The following MTMR12 variants were observed in gnomAD, a reference collection of about 807,000 sequenced individuals.
MTMR12 encodes the protein myotubularin related protein 12, also known as myotubularin-related protein 12.
A neutral mutation model predicts 96.7 loss-of-function variants in MTMR12; 33 were observed. The observed-to-expected ratio is 0.34, with a 90% confidence interval of 0.26 to 0.46. The LOEUF (loss-of-function observed/expected upper bound fraction) is 0.46. MTMR12 is among the 20% of genes least tolerant of loss of function. MTMR12 has a pLI of 1.00. For synonymous variants in MTMR12, 298 were observed against 327.2 expected (o/e 0.91, Z 0.96); for missense variants, 721 against 896.1 (o/e 0.80, Z 2.49).
At chr5:32,238,143 C>CAA (rs746835069) in intron 13 of MTMR12, among the ~76,000 whole-genome samples, 12,333 of 58,354 alleles carry the variant, frequency 0.21, 1,491 homozygotes, top group East Asian at 0.37. Context: ...GACTCCGTCT[C>CAA]AAAAAAAAAA....
intron 15 of MTMR12, among the ~76,000 whole-genome samples, chr5:32,231,086 G>T (rs1447327789): frequency 6.6e-6 from 1 of 152,094 alleles, no homozygotes; most frequent in African/African-American, 2.4e-5. Context: ...ATATTTGGGG[G>T]TGCACTGAGA....
In MTMR12 at chr5:32,270,898, AG is replaced by A; in HGVS notation, c.407del (p.Pro136LeufsTer18). 6.2e-7 allele frequency: 1 copy of A among 1,614,108 alleles called. No homozygotes were observed. The highest frequency in any genetic ancestry group is 8.5e-7 in the Non-Finnish European group (1 of 1,179,958). On this transcript the variant is annotated frameshift_variant, in exon 5 of 16. Transcript: ENST00000382142. LOFTEE classifies it high-confidence loss of function. ...CTTTGCAGTGGATGATGAGCTTCTCAGGGTATTTCTTCAGTTGTCCAAAGAG... is the reference window on the plus strand; with the variant it reads ...CTTTGCAGTGGATGATGAGCTTCTCAGGTATTTCTTCAGTTGTCCAAAGAG... ...KTLFGQLKKY[P>X]EKLIIHCKDL...
chr5:32,230,379 G>C, intron 15 of MTMR12, 32 bp from the exon 16 acceptor site: 1 of 1,554,224 alleles, frequency 6.4e-7, no homozygotes, highest in South Asian at 1.2e-5. Context: ...AAAATCACTG[G>C]TTAACATAAC....
At chr5:32,243,684 C>A in intron 10 of MTMR12, 85 bp from the exon 11 acceptor site, 1 of 815,858 alleles carries the variant, frequency 1.2e-6, no homozygotes, top group South Asian at 1.5e-5. Flanking sequence ...TCAACTGTGT[C>A]ATTCAGATTA....
intron 11 of MTMR12, 124 bp from the exon 12 acceptor site, chr5:32,242,251 G>A (rs1329789670): frequency 1.7e-5 from 9 of 526,938 alleles, no homozygotes; most frequent in East Asian, 3.1e-5. Context: ...TTTTTTCCAC[G>A]CTAAAATCCT....
At chr5:32,293,505 T>C (rs564044190) in intron 1 of MTMR12, among the ~76,000 whole-genome samples, 1 of 152,352 alleles carries the variant, frequency 6.6e-6, no homozygotes, top group African/African-American at 2.4e-5. Flanking sequence ...GCAGACAGCC[T>C]GTTGTGGGAC....
intron 1 of MTMR12, among the ~76,000 whole-genome samples, chr5:32,305,623 G>C (rs1050913785): frequency 2.0e-5 from 3 of 151,836 alleles, no homozygotes; most frequent in Non-Finnish European, 4.4e-5. Context: ...GGATACCGCG[G>C]CCGGGCGCGA....
At position 32,228,989 on chromosome 5, in the gene MTMR12, G is replaced by C. The variant is rs1442662626; in HGVS notation, c.*789C>G. On this transcript the variant is annotated 3_prime_UTR_variant, in exon 16 of 16. Coordinates refer to ENST00000382142, the MANE Select transcript of MTMR12 (RefSeq NM_001040446.3). ...AGGAAGGATCTCAGGCAAAGAAACA[G>C]ATCCCCGCAGCGTAACCAAGAGGTT... The C allele has an allele frequency of 6.6e-6, 1 of 152,206 alleles. No homozygotes were observed. The highest frequency in any genetic ancestry group is 1.5e-5 in the Non-Finnish European group (1 of 68,078). The allele number at this position is 152,206 out of a possible 1,614,324, so 9.4% of individuals were successfully genotyped here. A position where few individuals can be genotyped will look rare whatever the true frequency, so the allele number is the denominator to read the frequency against.
At chr5:32,293,600 T>C (rs1340146540) in intron 1 of MTMR12, among the ~76,000 whole-genome samples, 1 of 152,180 alleles carries the variant, frequency 6.6e-6, no homozygotes, top group East Asian at 1.9e-4. Flanking sequence ...CTCTAGGGAA[T>C]CCTAATACAG....
At position 32,239,176 on chromosome 5, in the gene MTMR12, A is replaced by G. The variant is rs748468556; in HGVS notation, c.1172-3T>C. On this transcript the variant is annotated splice_region_variant and splice_polypyrimidine_tract_variant and intron_variant, in intron 12 of 15. Transcript: ENST00000382142. ...GCAGAGGTCGGATGCATTCTCCTCT[A>G]GGAGAGGCCCCAGCAGCAGTGCAAA... The G allele has an allele frequency of 6.3e-7, 1 of 1,577,296 alleles. No homozygotes were observed. The highest frequency in any genetic ancestry group is 8.6e-7 in the Non-Finnish European group (1 of 1,158,056).
chr5:32,236,861 A>C (rs1748256687), intron 13 of MTMR12, among the ~76,000 whole-genome samples: 1 of 152,026 alleles, frequency 6.6e-6, no homozygotes, highest in South Asian at 2.1e-4. Context: ...AGAAAAGAAA[A>C]GAAAAGAAAA....
chr5:32,302,707 G>C (rs1188308283), intron 1 of MTMR12, among the ~76,000 whole-genome samples: 1 of 147,680 alleles, frequency 6.8e-6, no homozygotes, highest in African/African-American at 2.5e-5. Context: ...CCAGGCGACA[G>C]AGCAAGACTC....
rs1433601490 is a variant in MTMR12 at position 32,312,611 on chromosome 5, T to C, written c.81+147A>G. ...CCGCGCGGAGGCCCCAGCGCGCTCC[T>C]GCGGCCTCAGCCCGCCTGGCTGCCC... On this transcript the variant is annotated intron_variant, in intron 1 of 15. Coordinates refer to ENST00000382142, the MANE Select transcript of MTMR12 (RefSeq NM_001040446.3). The surrounding 1 kb of genome is among the most constrained non-coding windows in gnomAD (Gnocchi z 5.0). The C allele has an allele frequency of 2.3e-5, 16 of 691,030 alleles. No individual in the cohort carries two copies. Among genetic ancestry groups the C allele is most frequent in the Non-Finnish European group, 3.1e-5 (16 of 514,498 alleles). 42.8% of individuals were successfully genotyped at this position (691,030 alleles called of 1,614,324 possible). A position where few individuals can be genotyped will look rare whatever the true frequency, so the allele number is the denominator to read the frequency against.
In MTMR12 at chr5:32,312,927, C is replaced by A. The variant is rs1425455042; in HGVS notation, c.-89G>T. On this transcript the variant is annotated 5_prime_UTR_variant, in exon 1 of 16. Coordinates refer to ENST00000382142, the MANE Select transcript of MTMR12 (RefSeq NM_001040446.3). The surrounding 1 kb of genome is among the most constrained non-coding windows in gnomAD (Gnocchi z 5.0). ...CAGCAGCGGCGGCCACCAGCACTAGCGGCTGGGGCTCCGCCCATCCCCAAG... is the reference window on the plus strand; with the variant it reads ...CAGCAGCGGCGGCCACCAGCACTAGAGGCTGGGGCTCCGCCCATCCCCAAG... 2 of 1,242,102 alleles carry A rather than the reference C, an allele frequency of 1.6e-6. No homozygotes were observed. The highest frequency in any genetic ancestry group is 1.6e-5 in the African/African-American group (1 of 62,914). The allele number at this position is 1,242,102 out of a possible 1,614,324, so 76.9% of individuals were successfully genotyped here.
rs2111980805 is a variant in MTMR12, at chr5:32,234,000, T to C, written c.1513-66A>G. The C allele has an allele frequency of 2.6e-6, 4 of 1,513,780 alleles. No homozygotes were observed. The highest frequency in any genetic ancestry group is 3.7e-6 in the Non-Finnish European group (4 of 1,095,794). The allele number at this position is 1,513,780 out of a possible 1,614,324, so 93.8% of individuals were successfully genotyped here. ...GCTGAGGAAGGCAAACACATACTTC[T>C]GGACACAGGCACCAGGAAGCATGCT... On this transcript the variant is annotated intron_variant, in intron 14 of 15. Coordinates refer to ENST00000382142, the MANE Select transcript of MTMR12 (RefSeq NM_001040446.3). This position sits in a 1 kb window ranked among gnomAD's most constrained non-coding sequence, Gnocchi z 5.0.
intron 7 of MTMR12, among the ~76,000 whole-genome samples, chr5:32,257,552 T>C (rs1749188855): frequency 6.6e-6 from 1 of 151,996 alleles, no homozygotes; most frequent in Non-Finnish European, 1.5e-5. Context: ...GGGTGTATCA[T>C]GAGGCGAGGA....
intron 5 of MTMR12, 44 bp from the exon 6 acceptor site, chr5:32,268,838 A>T: frequency 6.7e-7 from 1 of 1,490,036 alleles, no homozygotes; most frequent in Non-Finnish European, 9.4e-7. Flanking sequence ...GTTTTGACAG[A>T]TAAACACTAA....
intron 15 of MTMR12, among the ~76,000 whole-genome samples, chr5:32,231,082 G>T (rs1235909872): frequency 1.3e-5 from 2 of 152,054 alleles, no homozygotes; most frequent in African/African-American, 4.8e-5. Flanking sequence ...TATTATATTT[G>T]GGGGTGCACT....
rs139358647 is a variant in MTMR12 at position 32,283,062 on chromosome 5, G to A, written c.82-6320C>T. On this transcript the variant is annotated intron_variant, in intron 1 of 15. Transcript: ENST00000382142. ...GAGTCCTACATGTGGATCTTGGAGT[G>A]GGTTCCCCTGAAATTCCCCTATGTG... 1.3e-3 allele frequency among the ~76,000 whole-genome samples: 205 copies of A among 152,260 alleles called. 2 individuals carry two copies. Among genetic ancestry groups the A allele is most frequent in the South Asian group, 0.013 (64 of 4,820 alleles).
Sources: allele counts gnomAD v4.1 joint callset (sites outside exome capture counted in the v4.1 genomes callset), GRCh38; gene constraint gnomAD v4.1.1; non-coding constraint Gnocchi (gnomAD v3.1); transcripts MANE v1.5; gene names NCBI Gene and HGNC (gene_info 2026-07-23, HGNC 2026-07-21).